SUGCT: variants seen among roughly 807,000 people sequenced by gnomAD.
SUGCT encodes the protein succinyl-CoA:glutarate CoA-transferase.
SUGCT carries 41 observed loss-of-function variants against 55.0 expected under a neutral mutation model. The ratio of observed to expected loss-of-function variants is 0.74; its 90% CI spans 0.58 to 0.97. The LOEUF is 0.97. Ranked by LOEUF, SUGCT falls within the 50% of genes least tolerant of loss-of-function variation. SUGCT has a pLI of 0.00. For synonymous variants in SUGCT, 187 were observed against 200.4 expected, an observed-to-expected ratio of 0.93 and a Z score of 0.56; for missense variants, 568 against 547.8, an observed-to-expected ratio of 1.04 and a Z score of -0.37.
chr7:40,267,323 C>A (rs71536674), intron 7 of SUGCT, among the ~76,000 whole-genome samples: 1 of 151,968 alleles, frequency 6.6e-6, no homozygotes, highest in Non-Finnish European at 1.5e-5. Flanking sequence ...CATTTAAAAC[C>A]GTTTCTGAGT....
chr7:40,535,194 G>A (rs1474213740), intron 12 of SUGCT, among the ~76,000 whole-genome samples: 2 of 151,642 alleles, frequency 1.3e-5, no homozygotes, highest in Admixed American at 1.3e-4. Context: ...ATGGGTACAT[G>A]TGCTGGTTTG....
chr7:40,595,563 T>C (rs1403458455), intron 12 of SUGCT, among the ~76,000 whole-genome samples: 1 of 152,076 alleles, frequency 6.6e-6, no homozygotes, highest in East Asian at 1.9e-4. Flanking sequence ...AAGCTTTCAC[T>C]AACTCCCTTT....
At chr7:40,380,103 A>C (rs1784797286) in intron 9 of SUGCT, among the ~76,000 whole-genome samples, 1 of 152,186 alleles carries the variant, frequency 6.6e-6, no homozygotes. Flanking sequence ...TATTTTCCAT[A>C]GGTCAAATAA....
At chr7:40,857,152 C>A (rs1794219605) in intron 13 of SUGCT, among the ~76,000 whole-genome samples, 1 of 152,120 alleles carries the variant, frequency 6.6e-6, no homozygotes, top group Admixed American at 6.6e-5. Flanking sequence ...ATGTGACTTA[C>A]CTTGCTCATA....
At chr7:40,734,261 T>C (rs1170409087) in intron 12 of SUGCT, among the ~76,000 whole-genome samples, 1 of 152,230 alleles carries the variant, frequency 6.6e-6, no homozygotes, top group Non-Finnish European at 1.5e-5. Flanking sequence ...GACTCTTTTT[T>C]CTTATGTCTG....
At chr7:40,767,856 G>A (rs1041347049) in intron 13 of SUGCT, among the ~76,000 whole-genome samples, 4 of 152,160 alleles carry the variant, frequency 2.6e-5, no homozygotes, top group Non-Finnish European at 5.9e-5. Context: ...AGCCAAGAAC[G>A]AGATGGAATC....
intron 11 of SUGCT, among the ~76,000 whole-genome samples, chr7:40,476,859 A>G (rs1035311491): frequency 4.0e-5 from 6 of 151,210 alleles, no homozygotes; most frequent in Non-Finnish European, 4.4e-5. Context: ...GTGCAATGGC[A>G]CAATCTTGCC....
intron 12 of SUGCT, among the ~76,000 whole-genome samples, chr7:40,516,933 TATTA>T (rs1793267870): frequency 1.3e-5 from 2 of 152,114 alleles, no homozygotes; most frequent in African/African-American, 4.8e-5. Flanking sequence ...GTCTTGTCAA[TATTA>T]ATTAAGTCTT....
intron 9 of SUGCT, among the ~76,000 whole-genome samples, chr7:40,389,808 A>C (rs1785322899): frequency 6.6e-6 from 1 of 152,220 alleles, no homozygotes; most frequent in Admixed American, 6.5e-5. Flanking sequence ...AGAAATGCAC[A>C]GGCTATGGCA....
chr7:40,405,320 AT>A (rs1786298065), intron 9 of SUGCT, among the ~76,000 whole-genome samples: 1 of 152,226 alleles, frequency 6.6e-6, no homozygotes, highest in Non-Finnish European at 1.5e-5. Flanking sequence ...GATATGTTAT[AT>A]AAATATCGAC....
At chr7:40,820,248 C>G (rs1791914022) in intron 13 of SUGCT, among the ~76,000 whole-genome samples, 1 of 150,828 alleles carries the variant, frequency 6.6e-6, no homozygotes, top group African/African-American at 2.4e-5. Flanking sequence ...ACAATGTGGG[C>G]TCTTTTTTGG....
At chr7:40,719,022 T>C (rs1210748465) in intron 12 of SUGCT, among the ~76,000 whole-genome samples, 2 of 152,240 alleles carry the variant, frequency 1.3e-5, no homozygotes, top group African/African-American at 4.8e-5. Flanking sequence ...TTTCATCATG[T>C]TATTCTATGT....
At chr7:40,932,009 T>C in the SUGCT span, among the ~76,000 whole-genome samples, 1 of 152,234 alleles carries the variant, frequency 6.6e-6, no homozygotes, top group South Asian at 2.1e-4. Context: ...CTTTTCATTG[T>C]AATGTTAGGA....
chr7:40,351,489 G>A (rs966849023), intron 9 of SUGCT, among the ~76,000 whole-genome samples: 1 of 151,970 alleles, frequency 6.6e-6, no homozygotes, highest in Non-Finnish European at 1.5e-5. Flanking sequence ...ACTTATAATA[G>A]TGTGATTGTA....
rs200000243 is a variant in SUGCT, at chr7:40,631,222, G to GT, written c.1090-118203dup. On this transcript the variant is annotated intron_variant, in intron 12 of 13. Transcript: ENST00000335693. ...GCACAGCTTTACTTTCAGTGATTCT[G>GT]TTTTTTTTTCAGCATTATTTACGTG... 2.2e-3 allele frequency among the ~76,000 whole-genome samples: 337 copies of GT among 150,230 alleles called. 1 individual carries two copies. The highest frequency in any genetic ancestry group is 6.4e-3 in the African/African-American group (261 of 40,968).
intron 9 of SUGCT, among the ~76,000 whole-genome samples, chr7:40,397,669 G>A (rs1037275767): frequency 1.2e-4 from 18 of 152,122 alleles, no homozygotes; most frequent in Admixed American, 1.0e-3. Context: ...GTTTGAATAC[G>A]TAATACAATA....
chr7:40,496,135 C>T (rs769889931), intron 11 of SUGCT, 149 bp from the exon 12 acceptor site: 13 of 561,224 alleles, frequency 2.3e-5, no homozygotes, highest in Non-Finnish European at 3.8e-5. Flanking sequence ...TCATTTCATA[C>T]AGACAACCTT....
chr7:40,525,857 A>G (rs949231946), intron 12 of SUGCT, among the ~76,000 whole-genome samples: 2 of 152,218 alleles, frequency 1.3e-5, no homozygotes, highest in African/African-American at 2.4e-5. Flanking sequence ...CATTAATTAC[A>G]TAAGGGAGCA....
intron 12 of SUGCT, among the ~76,000 whole-genome samples, chr7:40,521,642 A>G (rs1793533667): frequency 6.6e-6 from 1 of 152,070 alleles, no homozygotes; most frequent in Non-Finnish European, 1.5e-5. Context: ...TTATTCTTTT[A>G]TATCTCTTCG....
Sources: gnomAD v4.1 joint callset for allele counts (sites outside exome capture counted in the v4.1 genomes callset) on GRCh38, gnomAD v4.1.1 for gene constraint, MANE v1.5 for transcripts, NCBI Gene and HGNC (gene_info 2026-07-23, HGNC 2026-07-21) for gene names.